Variants in FTO observed in about 807,000 individuals in gnomAD.
FTO encodes alpha-ketoglutarate-dependent dioxygenase FTO.
FTO carries 47 observed loss-of-function variants against 63.9 expected under a neutral mutation model. That is an observed-to-expected ratio of 0.74 (90% CI 0.58 to 0.94). The LOEUF is 0.94. FTO is among the 40% of genes least tolerant of loss of function. The pLI, the probability that FTO is intolerant of heterozygous loss-of-function variation, is 0.00. For missense variants in FTO, 562 were observed against 618.1 expected (o/e 0.91, Z 0.96); for synonymous variants, 207 against 224.4 (o/e 0.92, Z 0.69).
At chr16:53,904,542 G>A (rs1169466371) in intron 7 of FTO, among the ~76,000 whole-genome samples, 1 of 152,168 alleles carries the variant, frequency 6.6e-6, no homozygotes, top group East Asian at 1.9e-4. Context: ...GGTGCGGTTA[G>A]CGTGACATGC....
At chr16:53,839,762 T>C (rs952473679) in intron 3 of FTO, among the ~76,000 whole-genome samples, 6 of 149,240 alleles carry the variant, frequency 4.0e-5, no homozygotes, top group South Asian at 2.1e-4. Context: ...TCATTATAAT[T>C]GGTTTTCTTT....
chr16:54,106,905 A>G, intron 8 of FTO, among the ~76,000 whole-genome samples: 1 of 141,072 alleles, frequency 7.1e-6, no homozygotes, highest in East Asian at 2.0e-4. Context: ...AATATATAAT[A>G]CACGATATAT....
intron 8 of FTO, chr16:53,937,144 C>G: frequency 2.5e-6 from 1 of 397,996 alleles, no homozygotes; most frequent in East Asian, 3.6e-5. Context: ...CCCAGCGACT[C>G]TAGAGGCACA....
intron 1 of FTO, among the ~76,000 whole-genome samples, chr16:53,794,064 T>C (rs2151695581): frequency 6.6e-6 from 1 of 152,322 alleles, no homozygotes; most frequent in South Asian, 2.1e-4. Context: ...ATTTAAAAGT[T>C]TGATAATAAT....
intron 1 of FTO, among the ~76,000 whole-genome samples, chr16:53,718,101 A>T (rs978687855): frequency 6.6e-6 from 1 of 152,086 alleles, no homozygotes; most frequent in Admixed American, 6.5e-5. Flanking sequence ...TTTATACATT[A>T]ATTTGGAAAT....
At chr16:53,981,544 G>A (rs1281823228) in intron 8 of FTO, 1 of 152,322 alleles carries the variant, frequency 6.6e-6, no homozygotes, top group African/African-American at 2.4e-5. Flanking sequence ...AGGCCAAGAC[G>A]GGCGAATCAC....
chr16:53,766,934 T>C (rs1328315143), intron 1 of FTO, among the ~76,000 whole-genome samples: 1 of 152,144 alleles, frequency 6.6e-6, no homozygotes, highest in Non-Finnish European at 1.5e-5. Flanking sequence ...ATGAGCCAGA[T>C]TTTCCATGGC....
chr16:54,105,892 A>G (rs1262949621), intron 8 of FTO, among the ~76,000 whole-genome samples: 1 of 151,870 alleles, frequency 6.6e-6, no homozygotes, highest in East Asian at 1.9e-4. Flanking sequence ...CATCAAGAGT[A>G]ATGGAAATGT....
chr16:53,922,153 T>C (rs887717431), intron 7 of FTO, among the ~76,000 whole-genome samples: 1 of 152,212 alleles, frequency 6.6e-6, no homozygotes, highest in Admixed American at 6.5e-5. Context: ...GGATTGTGTC[T>C]TCATTCCCAT....
intron 1 of FTO, among the ~76,000 whole-genome samples, chr16:53,728,469 T>G (rs2076200449): frequency 6.6e-6 from 1 of 152,126 alleles, no homozygotes; most frequent in Admixed American, 6.6e-5. Context: ...TTTATAGAGC[T>G]CCTACTATGT....
intron 1 of FTO, among the ~76,000 whole-genome samples, chr16:53,754,769 A>G (rs1305861506): frequency 6.6e-6 from 1 of 152,258 alleles, no homozygotes; most frequent in Non-Finnish European, 1.5e-5. Context: ...GAAAGAGATG[A>G]CGCTGAGGTA....
intron 8 of FTO, among the ~76,000 whole-genome samples, chr16:53,989,788 TTCTGCC>T (rs1402505071): frequency 6.6e-6 from 1 of 152,038 alleles, no homozygotes; most frequent in Non-Finnish European, 1.5e-5. Context: ...CTTCCACCTC[TTCTGCC>T]TCTGCCACCT....
chr16:53,805,268 G>A (rs1032810505), intron 1 of FTO, among the ~76,000 whole-genome samples: 2 of 152,078 alleles, frequency 1.3e-5, no homozygotes, highest in Non-Finnish European at 2.9e-5. Flanking sequence ...CTTACATGAT[G>A]AGTCATAATC....
At chr16:53,985,046 C>T (rs1310754369) in intron 8 of FTO, 7 of 453,938 alleles carry the variant, frequency 1.5e-5, no homozygotes, top group Non-Finnish European at 3.1e-5. Context: ...TAATTTCTGG[C>T]CTCTGGCAAG....
intron 1 of FTO, among the ~76,000 whole-genome samples, chr16:53,761,718 G>A (rs2077075596): frequency 6.6e-6 from 1 of 150,792 alleles, no homozygotes; most frequent in Non-Finnish European, 1.5e-5. Flanking sequence ...ACTGTTTTGG[G>A]TCTTAATCTA....
At chr16:53,900,674 T>C (rs897589794) in intron 7 of FTO, among the ~76,000 whole-genome samples, 3 of 147,652 alleles carry the variant, frequency 2.0e-5, no homozygotes, top group Non-Finnish European at 4.5e-5. Context: ...CTAGGACTTA[T>C]GTCTCCCAGG....
intron 8 of FTO, among the ~76,000 whole-genome samples, chr16:53,960,736 T>C (rs1226945630): frequency 1.3e-5 from 2 of 151,750 alleles, no homozygotes; most frequent in African/African-American, 2.4e-5. Flanking sequence ...CGCGGTTACC[T>C]GAGATAAAAC....
At chr16:53,856,452 A>C (rs539433773) in intron 4 of FTO, among the ~76,000 whole-genome samples, 6 of 152,134 alleles carry the variant, frequency 3.9e-5, no homozygotes, top group African/African-American at 1.4e-4. Flanking sequence ...AGTTTTATAA[A>C]TCTTCCCCTA....
At chr16:53,756,626 T>C (rs1235873482) in intron 1 of FTO, among the ~76,000 whole-genome samples, 1 of 152,226 alleles carries the variant, frequency 6.6e-6, no homozygotes, top group Non-Finnish European at 1.5e-5. Context: ...TGCGTAATTA[T>C]TTTTCATGAT....
Sources: allele counts gnomAD v4.1 joint callset (sites outside exome capture counted in the v4.1 genomes callset), GRCh38; gene constraint gnomAD v4.1.1; transcripts MANE v1.5; gene names NCBI Gene and HGNC (gene_info 2026-07-23, HGNC 2026-07-21).